The following SLF2 variants were observed in gnomAD, a reference collection of about 807,000 sequenced individuals.
The protein encoded by SLF2 is SMC5-SMC6 complex localization factor protein 2.
SLF2 carries 68 observed loss-of-function variants against 124.3 expected under a neutral mutation model. The ratio of observed to expected loss-of-function variants is 0.55; its 90% confidence interval spans 0.45 to 0.67. The LOEUF is 0.67. Ranked by LOEUF, SLF2 falls within the 30% of genes least tolerant of loss-of-function variation. The pLI is 0.00. For missense variants in SLF2, 1,246 were observed against 1,373.7 expected, an observed-to-expected ratio of 0.91 and a Z score of 1.47; for synonymous variants, 480 against 478.8, an observed-to-expected ratio of 1.00 and a Z score of -0.03.
chr10:100,960,004 C>T (rs1218697602), intron 19 of SLF2, among the ~76,000 whole-genome samples: 1 of 152,206 alleles, frequency 6.6e-6, no homozygotes, highest in African/African-American at 2.4e-5. Flanking sequence ...CTTTCTGTCC[C>T]TATACATTTC....
chr10:100,962,203 G>A lies in SLF2; in HGVS notation c.*291G>A. ...ATAGTCATATGTCTAACCTGCCCCAGTTAACTCCTCTTGTTAAATTATAAG... is the reference window on the plus strand; with the variant it reads ...ATAGTCATATGTCTAACCTGCCCCAATTAACTCCTCTTGTTAAATTATAAG... On this transcript the variant is annotated 3_prime_UTR_variant, in exon 20 of 20. Transcript: ENST00000238961. 4.0e-6 allele frequency: 1 copy of A among 252,120 alleles called. No individual in the cohort carries two copies. The allele number at this position is 252,120 out of a possible 1,614,324, so 15.6% of individuals were successfully genotyped here. A position where few individuals can be genotyped will look rare whatever the true frequency, so the allele number is the denominator to read the frequency against.
rs141230702 is a variant in SLF2, at chr10:100,916,830, A to T, written c.445A>T (p.Ile149Phe). 477 of 1,614,222 alleles carry T rather than the reference A, an allele frequency of 3.0e-4. 5 individuals carry two copies. In the Middle Eastern group the frequency reaches 4.0e-3, roughly 13 times the overall value. ...ASKYLAKGTN[I>F]YVPSSYHLPK... ...CAAATATTTAGCCAAAGGAACAAAT[A>T]TCTATGTTCCTTCTTCATATCACTT... Residue 149 changes from isoleucine to phenylalanine, a missense_variant, in exon 3 of 20, where the codon ATC (isoleucine) becomes TTC (phenylalanine). This residue lies in a region of SLF2 where 698 missense variants were observed against 708.9 expected (regional missense o/e 0.98). Coordinates refer to ENST00000238961, the MANE Select transcript of SLF2 (RefSeq NM_018121.4).
At chr10:100,959,300 G>T in intron 18 of SLF2, 128 bp from the exon 19 acceptor site, 2 of 732,614 alleles carry the variant, frequency 2.7e-6, no homozygotes, top group African/African-American at 1.8e-5. Context: ...TCTCTTTGTT[G>T]ACAGAAATCA....
chr10:100,928,031 A>ACCC (rs60988031), intron 6 of SLF2, among the ~76,000 whole-genome samples: 1 of 30,554 alleles, frequency 3.3e-5, no homozygotes, highest in Non-Finnish European at 6.1e-5. Context: ...TATGATGAAC[A>ACCC]CCCCCCCCCC....
In SLF2 at chr10:100,950,076, G is replaced by A. The variant is rs948424889; in HGVS notation, c.3121G>A (p.Val1041Ile). The change falls in exon 16 of 20, where the codon GTA becomes ATA. Residue 1041 changes from valine (V) to isoleucine (I), a missense_variant and splice_region_variant. Physicochemically the swap from Val to Ile is conservative, Grantham distance 29. Transcript: ENST00000238961. ...EDVPNASNLQ[V>I]SVLHRYLVQM... ...CAATGTCTCCTCTTTCTTTTGATAG[G>A]TATCAGTCCTACATCGCTATCTTGT... 5.1e-6 allele frequency: 8 copies of A among 1,582,512 alleles called. No individual in the cohort carries two copies. Among genetic ancestry groups the A allele is most frequent in the Non-Finnish European group, 6.9e-6 (8 of 1,164,432 alleles).
chr10:100,919,001 CTTTTTTTTTTTTTT>C (rs528512219), intron 4 of SLF2, among the ~76,000 whole-genome samples: 11,069 of 105,700 alleles, frequency 0.1, 560 homozygotes, highest in African/African-American at 0.2. Flanking sequence ...GAAACATAAT[CTTTTTTTTTTTTTT>C]TTTTTTTTTT....
chr10:100,922,291 G>T (rs1024714945), intron 4 of SLF2, among the ~76,000 whole-genome samples: 6 of 152,138 alleles, frequency 3.9e-5, no homozygotes, highest in African/African-American at 1.4e-4. Context: ...GCCTAGGCTG[G>T]TCTCAAACTC....
At position 100,957,522 on chromosome 10, in the gene SLF2, T is replaced by C. The variant is rs1319177337; in HGVS notation, c.3417+985T>C. Among the ~76,000 whole-genome samples, 5 of 151,446 alleles carry C rather than the reference T, an allele frequency of 3.3e-5. No homozygotes were observed. In the East Asian group the frequency reaches 9.7e-4, roughly 29 times the overall value. On this transcript the variant is annotated intron_variant, in intron 18 of 19. Coordinates refer to ENST00000238961, the MANE Select transcript of SLF2 (RefSeq NM_018121.4). The stretch of plus-strand genomic sequence containing the variant: ...CCCGCTACCATGCCCGGCAAATTTT[T>C]TTTTTTTTTTGTATTTTTAGTAGAG...
rs1189015145 is a variant in SLF2 at position 100,945,345 on chromosome 10, A to G, written c.2773A>G (p.Thr925Ala). The G allele has an allele frequency of 1.9e-6, 3 of 1,586,820 alleles. No individual in the cohort carries two copies. Among genetic ancestry groups the G allele is most frequent in the Non-Finnish European group, 2.6e-6 (3 of 1,173,208 alleles). Reference sequence around the variant, plus strand: ...TGTTAAACAGTTTCTAGGCTTGTGTACATCTATACATCCAGAAGGTTACCA... The same window carrying G: ...TGTTAAACAGTTTCTAGGCTTGTGTGCATCTATACATCCAGAAGGTTACCA... ...LNVVKFLGLC[T>A]SIHPEGYQDR... Residue 925 changes from threonine to alanine, a missense_variant, in exon 13 of 20, where the codon ACA (threonine) becomes GCA (alanine). By Grantham distance (58) the Thr-to-Ala change is moderately conservative. Transcript: ENST00000238961.
chr10:100,924,939 C>T lies in SLF2; in HGVS notation c.1938C>T (p.Ser646=). The T allele has an allele frequency of 6.2e-7, 1 of 1,613,770 alleles. No homozygotes were observed. The highest frequency in any genetic ancestry group is 8.5e-7 in the Non-Finnish European group (1 of 1,179,968). Residue 646 remains serine, a synonymous_variant, in exon 5 of 20, where the codon TCC becomes TCT. Coordinates refer to ENST00000238961, the MANE Select transcript of SLF2 (RefSeq NM_018121.4). ...PAATGKPPAL[S]KGLRSQSSDY... is the part of the protein sequence containing the mutation. The stretch of plus-strand genomic sequence containing the variant: ...CTACAGGAAAGCCTCCTGCTCTTTC[C>T]AAGGGGCTTAGATCTCAGTCATCAG...
intron 6 of SLF2, chr10:100,926,313 G>T: frequency 6.9e-7 from 1 of 1,439,566 alleles, no homozygotes. Flanking sequence ...AGTCTCAAAT[G>T]AAAAAAAGAG....
chr10:100,926,194 C>G, intron 6 of SLF2, 175 bp downstream of exon 6: 1 of 1,549,892 alleles, frequency 6.5e-7, no homozygotes, highest in Non-Finnish European at 8.7e-7. Context: ...TGCCTGTAAT[C>G]ACAACACTTT....
intron 17 of SLF2, among the ~76,000 whole-genome samples, chr10:100,955,130 C>T (rs4919509): frequency 0.26 from 39,879 of 151,420 alleles, 5,951 homozygotes; most frequent in East Asian, 0.54. Context: ...TTAGTAGAGA[C>T]GGGTTTTCAC....
chr10:100,936,849 T>C (rs1188618003), intron 9 of SLF2, among the ~76,000 whole-genome samples: 1 of 138,370 alleles, frequency 7.2e-6, no homozygotes, highest in Non-Finnish European at 1.6e-5. Context: ...ATTTGTCTAA[T>C]TATAAATGAA....
chr10:100,953,276 T>C (rs1168824787), intron 17 of SLF2, among the ~76,000 whole-genome samples: 1 of 151,450 alleles, frequency 6.6e-6, no homozygotes, highest in Non-Finnish European at 1.5e-5. Flanking sequence ...CACCTCGGCC[T>C]CCCAAAGTGC....
chr10:100,948,571 G>C (rs1158603631), intron 15 of SLF2, among the ~76,000 whole-genome samples: 1 of 152,128 alleles, frequency 6.6e-6, no homozygotes, highest in Non-Finnish European at 1.5e-5. Flanking sequence ...TAATGGGGCT[G>C]CCCTTGCTTG....
rs1308999124 is a variant in SLF2 at position 100,964,936 on chromosome 10, T to G, written c.*3024T>G. 1 of 152,506 alleles carries G rather than the reference T, an allele frequency of 6.6e-6. No individual in the cohort carries two copies. The highest frequency in any genetic ancestry group is 1.9e-4 in the East Asian group (1 of 5,198). 9.4% of individuals were successfully genotyped at this position (152,506 alleles called of 1,614,324 possible). A position where few individuals can be genotyped will look rare whatever the true frequency, so the allele number is the denominator to read the frequency against. The stretch of plus-strand genomic sequence containing the variant: ...ATGGTTATTCCTTACTCATGAACAG[T>G]GTCGGCGCACCTCATTATCTGTGCA... On this transcript the variant is annotated 3_prime_UTR_variant, in exon 20 of 20. Transcript: ENST00000238961.
Position 100,924,835 on chromosome 10 carries a change from C to T in SLF2, c.1834C>T (p.Leu612=), listed in dbSNP as rs199783138. The part of the protein sequence containing the change: ...DSDEESLGYN[L]DSDEEEETLK... Reference sequence around the variant, plus strand: ...TGATGAAGAAAGTTTAGGTTACAACCTAGACAGTGATGAGGAAGAGGAAAC... The same window carrying T: ...TGATGAAGAAAGTTTAGGTTACAACTTAGACAGTGATGAGGAAGAGGAAAC... Residue 612 remains leucine (L), a synonymous_variant, in exon 5 of 20, where the codon CTA becomes TTA. Transcript: ENST00000238961. 1 of 1,614,128 alleles carries T rather than the reference C, an allele frequency of 6.2e-7. No individual in the cohort carries two copies. Among genetic ancestry groups the T allele is most frequent in the East Asian group, 2.2e-5 (1 of 44,892 alleles).
chr10:100,938,869 T>C, intron 11 of SLF2, 133 bp downstream of exon 11: 1 of 796,278 alleles, frequency 1.3e-6, no homozygotes, highest in East Asian at 3.2e-5. Flanking sequence ...TTGAATTAGA[T>C]ACATTTTTAA....
Sources: allele counts gnomAD v4.1 joint callset (sites outside exome capture counted in the v4.1 genomes callset), GRCh38; gene constraint gnomAD v4.1.1; regional missense constraint gnomAD v4.1.1; transcripts MANE v1.5; gene names NCBI Gene and HGNC (gene_info 2026-07-23, HGNC 2026-07-21).